Variants in ATE1 observed in about 807,000 individuals in gnomAD.
The protein encoded by ATE1 is arginyltransferase 1, also known as arginyl-tRNA--protein transferase 1.
In ATE1, 36 loss-of-function variants were observed where a neutral mutation model predicts 70.5. The ratio of observed to expected loss-of-function variants is 0.51; its 90% confidence interval spans 0.39 to 0.67. The LOEUF (loss-of-function observed/expected upper bound fraction) is 0.67. ATE1 is among the 30% of genes least tolerant of loss of function. The probability of loss-of-function intolerance (pLI) is 0.00; values close to 1 mark genes in which losing one functional copy is unlikely to be tolerated. For synonymous variants in ATE1, 232 were observed against 219.3 expected, an observed-to-expected ratio of 1.06 and a Z score of -0.51; for missense variants, 593 against 629.5, an observed-to-expected ratio of 0.94 and a Z score of 0.62.
At chr10:121,798,155 T>A (rs944426514) in intron 10 of ATE1, among the ~76,000 whole-genome samples, 4 of 152,248 alleles carry the variant, frequency 2.6e-5, no homozygotes, top group Non-Finnish European at 5.9e-5. Context: ...TTTGTATTTA[T>A]GATGTGGCTC....
chr10:121,849,558 T>C (rs1310186002), intron 8 of ATE1, among the ~76,000 whole-genome samples: 1 of 152,194 alleles, frequency 6.6e-6, no homozygotes, highest in Non-Finnish European at 1.5e-5. Context: ...GCCTCATAAT[T>C]ACTTAGGAAA....
intron 7 of ATE1, among the ~76,000 whole-genome samples, chr10:121,883,581 G>A (rs543625734): frequency 2.9e-4 from 44 of 152,268 alleles, no homozygotes; most frequent in Admixed American, 7.2e-4. Context: ...ATTATCAACA[G>A]GCAAGTCCTG....
chr10:121,836,398 G>A (rs1395010666), intron 10 of ATE1, among the ~76,000 whole-genome samples: 1 of 152,150 alleles, frequency 6.6e-6, no homozygotes, highest in Non-Finnish European at 1.5e-5. Flanking sequence ...CTCTGCATTG[G>A]TCTTCACTCT....
chr10:121,843,812 A>G (rs1486162725), intron 8 of ATE1, among the ~76,000 whole-genome samples: 1 of 152,172 alleles, frequency 6.6e-6, no homozygotes, highest in East Asian at 1.9e-4. Flanking sequence ...ATATAAAATG[A>G]GAAATTAGAA....
intron 7 of ATE1, among the ~76,000 whole-genome samples, chr10:121,878,135 A>T (rs1179327833): frequency 6.6e-6 from 1 of 152,174 alleles, no homozygotes; most frequent in East Asian, 1.9e-4. Context: ...CTGTATGATA[A>T]ATTTATATGA....
intron 11 of ATE1, among the ~76,000 whole-genome samples, chr10:121,779,054 C>T (rs1324943809): frequency 1.3e-5 from 2 of 152,174 alleles, no homozygotes; most frequent in Non-Finnish European, 2.9e-5. Context: ...CACTCGCTCT[C>T]AACACCATTT....
chr10:121,869,910 A>G (rs1026599934), intron 8 of ATE1, 96 bp downstream of exon 8: 5 of 1,161,944 alleles, frequency 4.3e-6, no homozygotes, highest in African/African-American at 3.0e-5. Flanking sequence ...CACCAAAATG[A>G]GCACTCCTAA....
In ATE1 at chr10:121,825,006, TAAAGA is replaced by T. The variant is rs1485946757; in HGVS notation, c.1257+11707_1257+11711del. Among the ~76,000 whole-genome samples the T allele has an allele frequency of 5.3e-5, 8 of 150,046 alleles. No individual in the cohort carries two copies. In the East Asian group the frequency reaches 1.6e-3, roughly 30 times the overall value. On this transcript the variant is annotated intron_variant, in intron 10 of 11. Coordinates refer to ENST00000224652, the MANE Select transcript of ATE1 (RefSeq NM_001001976.3). ...AGCATACGCCAAAAAGGAGACAAAG[TAAAGA>T]AAAAAAGGAAAAAAGCCTATATATA...
intron 11 of ATE1, among the ~76,000 whole-genome samples, chr10:121,770,491 C>A (rs1945466536): frequency 6.6e-6 from 1 of 152,050 alleles, no homozygotes; most frequent in Non-Finnish European, 1.5e-5. Flanking sequence ...GTTTTATGTA[C>A]AAATTTAAAA....
intron 11 of ATE1, among the ~76,000 whole-genome samples, chr10:121,761,548 T>A (rs1945039669): frequency 6.6e-6 from 1 of 152,200 alleles, no homozygotes; most frequent in South Asian, 2.1e-4. Context: ...CACTGGGAAA[T>A]CAAATAATTT....
intron 1 of ATE1, chr10:121,927,271 G>A (rs564956718): frequency 5.1e-4 from 504 of 984,864 alleles, no homozygotes; most frequent in Middle Eastern, 2.6e-3. Context: ...ATTTCAAACA[G>A]ATCAGGACAA....
intron 10 of ATE1, among the ~76,000 whole-genome samples, chr10:121,804,721 AC>A (rs1464931043): frequency 2.0e-5 from 3 of 146,890 alleles, no homozygotes; most frequent in African/African-American, 7.6e-5. Flanking sequence ...CATTCTAGCA[AC>A]TTTTTTTTTT....
chr10:121,857,507 C>T (rs1311956871), intron 8 of ATE1, among the ~76,000 whole-genome samples: 2 of 152,174 alleles, frequency 1.3e-5, no homozygotes, highest in Non-Finnish European at 2.9e-5. Flanking sequence ...TCCACTCCAC[C>T]TTTGATGGGC....
At chr10:121,791,511 T>C (rs1179076487) in intron 10 of ATE1, among the ~76,000 whole-genome samples, 1 of 152,238 alleles carries the variant, frequency 6.6e-6, no homozygotes, top group African/African-American at 2.4e-5. Flanking sequence ...TACAAATTAT[T>C]TGAAAACATT....
At chr10:121,780,240 A>G (rs1346872101) in intron 11 of ATE1, among the ~76,000 whole-genome samples, 2 of 151,974 alleles carry the variant, frequency 1.3e-5, no homozygotes, top group Non-Finnish European at 2.9e-5. Context: ...AACCTGCTCC[A>G]CCTCCTGTTT....
intron 10 of ATE1, among the ~76,000 whole-genome samples, chr10:121,810,733 C>A (rs1947287124): frequency 6.6e-6 from 1 of 152,026 alleles, no homozygotes; most frequent in African/African-American, 2.4e-5. Flanking sequence ...GACAGAGTCT[C>A]ACTGTGTCGC....
chr10:121,897,685 C>G (rs1453249886), intron 7 of ATE1, among the ~76,000 whole-genome samples: 1 of 152,034 alleles, frequency 6.6e-6, no homozygotes, highest in East Asian at 1.9e-4. Flanking sequence ...AATTAGACGG[C>G]TGTGGTGGCA....
chr10:121,919,403 T>G (rs957513944), intron 3 of ATE1, among the ~76,000 whole-genome samples: 6 of 150,358 alleles, frequency 4.0e-5, no homozygotes, highest in Admixed American at 1.3e-4. Flanking sequence ...ACTAAAAATA[T>G]CAAAAAAATT....
intron 8 of ATE1, among the ~76,000 whole-genome samples, chr10:121,868,191 T>C (rs1208488603): frequency 2.0e-5 from 3 of 152,230 alleles, no homozygotes. Flanking sequence ...TTATTACTAA[T>C]AGGAGTAAAC....
Sources: allele counts gnomAD v4.1 joint callset (sites outside exome capture counted in the v4.1 genomes callset), GRCh38; gene constraint gnomAD v4.1.1; transcripts MANE v1.5; gene names NCBI Gene and HGNC (gene_info 2026-07-23, HGNC 2026-07-21).